Variants in PLD5 observed in about 807,000 individuals in gnomAD.
PLD5 encodes phospholipase D family member 5.
PLD5 carries 36 observed loss-of-function variants against 61.1 expected under a neutral mutation model. The ratio of observed to expected loss-of-function variants is 0.59; its 90% confidence interval spans 0.45 to 0.78. The LOEUF (loss-of-function observed/expected upper bound fraction) is 0.78. PLD5 is among the 30% of genes least tolerant of loss of function. PLD5 has a pLI of 0.00. For synonymous variants in PLD5, 243 were observed against 242.8 expected, an observed-to-expected ratio of 1.00 and a Z score of -0.01; for missense variants, 515 against 644.4, an observed-to-expected ratio of 0.80 and a Z score of 2.17.
chr1:242,482,457 A>G (rs574379820), intron 1 of PLD5, among the ~76,000 whole-genome samples: 5 of 152,238 alleles, frequency 3.3e-5, no homozygotes, highest in Admixed American at 6.5e-5. Context: ...AAAGGGTATC[A>G]GTGATGGAAG....
At chr1:242,118,307 G>A (rs1326412418) in intron 6 of PLD5, among the ~76,000 whole-genome samples, 1 of 152,182 alleles carries the variant, frequency 6.6e-6, no homozygotes, top group Admixed American at 6.5e-5. Context: ...CCTGTTTGCT[G>A]GCTGGGTTCC....
At chr1:242,107,456 T>A (rs7412254) in intron 8 of PLD5, among the ~76,000 whole-genome samples, 1 of 152,166 alleles carries the variant, frequency 6.6e-6, no homozygotes, top group East Asian at 1.9e-4. Flanking sequence ...CAACAGAAAG[T>A]GAGAAGAGGG....
At chr1:242,136,805 G>A (rs1663765425) in intron 5 of PLD5, among the ~76,000 whole-genome samples, 1 of 152,206 alleles carries the variant, frequency 6.6e-6, no homozygotes, top group African/African-American at 2.4e-5. Context: ...AGGGATCAAT[G>A]TACTTGCAAA....
At chr1:242,313,420 A>G (rs1676821386) in intron 2 of PLD5, among the ~76,000 whole-genome samples, 1 of 152,150 alleles carries the variant, frequency 6.6e-6, no homozygotes, top group Non-Finnish European at 1.5e-5. Flanking sequence ...GCTTGTTCAC[A>G]ACTTTTAAGA....
At chr1:242,115,906 T>TA (rs1288251355) in intron 6 of PLD5, among the ~76,000 whole-genome samples, 1 of 152,166 alleles carries the variant, frequency 6.6e-6, no homozygotes, top group African/African-American at 2.4e-5. Flanking sequence ...TTTCATCTTA[T>TA]AAAAATATGG....
intron 1 of PLD5, among the ~76,000 whole-genome samples, chr1:242,514,311 C>T (rs577977483): frequency 6.6e-6 from 1 of 152,298 alleles, no homozygotes; most frequent in South Asian, 2.1e-4. Flanking sequence ...CAGACCAGTC[C>T]TACAACTGGC....
rs1558518140 is a variant in PLD5 at position 242,387,648 on chromosome 1, CTATTTTATATAAAATTTTATCTAT to C, written c.190-39430_190-39407del. ...TTATCTATTTTATATAAAATTTTAT[CTATTTTATATAAAATTTTATCTAT>C]TTTATATAAAATTTTATCTATTTTA... On this transcript the variant is annotated intron_variant, in intron 1 of 9. Transcript: ENST00000536534. Among the ~76,000 whole-genome samples the C allele has an allele frequency of 4.1e-3, 600 of 145,146 alleles. 3 individuals carry two copies. The highest frequency in any genetic ancestry group is 0.011 in the East Asian group (57 of 5,058).
chr1:242,228,096 T>C (rs1671069066), intron 4 of PLD5, among the ~76,000 whole-genome samples: 1 of 152,214 alleles, frequency 6.6e-6, no homozygotes, highest in Non-Finnish European at 1.5e-5. Flanking sequence ...AACAATGGCG[T>C]GTTCACATTT....
intron 1 of PLD5, among the ~76,000 whole-genome samples, chr1:242,419,458 C>T (rs1172339789): frequency 4.2e-5 from 6 of 144,252 alleles, no homozygotes; most frequent in African/African-American, 1.3e-4. Flanking sequence ...TGCAATGGTG[C>T]GATCTCAGCT....
At chr1:242,152,957 ATTTACACTCCC>A (rs2148821553) in intron 5 of PLD5, among the ~76,000 whole-genome samples, 3 of 88,404 alleles carry the variant, frequency 3.4e-5, no homozygotes, top group Admixed American at 2.9e-4. Context: ...GGTTGAACTA[ATTTACACTCCC>A]ACCAACAGTG....
intron 2 of PLD5, among the ~76,000 whole-genome samples, chr1:242,325,836 C>G (rs933463998): frequency 6.6e-6 from 1 of 152,130 alleles, no homozygotes; most frequent in South Asian, 2.1e-4. Context: ...ACTTCAAAAG[C>G]CAGTTATAAG....
At chr1:242,430,698 C>T (rs1665669533) in intron 1 of PLD5, among the ~76,000 whole-genome samples, 1 of 152,172 alleles carries the variant, frequency 6.6e-6, no homozygotes, top group Admixed American at 6.5e-5. Flanking sequence ...GCCCTCCCTT[C>T]TACCTGCTGG....
In PLD5 at chr1:242,138,722, C is replaced by G. The variant is rs145233732; in HGVS notation, c.736-14057G>C. Among the ~76,000 whole-genome samples, 802 of 152,342 alleles carry G rather than the reference C, an allele frequency of 5.3e-3. 3 individuals are homozygous for G. Among genetic ancestry groups the G allele is most frequent in the Non-Finnish European group, 8.8e-3 (601 of 68,022 alleles). On this transcript the variant is annotated intron_variant, in intron 5 of 9. Transcript: ENST00000536534. ...CCAATCTGCTCACGTGGGGCTACAT[C>G]CCATATCCTCCAACAATTACTCCAT...
intron 4 of PLD5, among the ~76,000 whole-genome samples, chr1:242,220,533 G>A (rs918832329): frequency 6.6e-6 from 1 of 151,972 alleles, no homozygotes; most frequent in Non-Finnish European, 1.5e-5. Flanking sequence ...ATAAGGGTCA[G>A]TCTTGTTCAG....
chr1:242,394,780 G>A (rs565308379), intron 1 of PLD5, among the ~76,000 whole-genome samples: 1 of 68,398 alleles, frequency 1.5e-5, no homozygotes, highest in African/African-American at 6.0e-5. Context: ...ATATATATGT[G>A]TATATATGTG....
At chr1:242,167,450 G>A (rs905405333) in intron 5 of PLD5, among the ~76,000 whole-genome samples, 7 of 152,230 alleles carry the variant, frequency 4.6e-5, no homozygotes, top group Admixed American at 4.6e-4. Context: ...ATTATCATGA[G>A]AACAGCATGG....
chr1:242,411,411 A>G (rs1664550092), intron 1 of PLD5, among the ~76,000 whole-genome samples: 1 of 151,968 alleles, frequency 6.6e-6, no homozygotes, highest in African/African-American at 2.4e-5. Flanking sequence ...AATTTTTTGT[A>G]TTTTTAGTAG....
Position 242,087,476 on chromosome 1 carries a change from CA to C in PLD5, c.*2377del, listed in dbSNP as rs1042746811. On this transcript the variant is annotated 3_prime_UTR_variant, in exon 10 of 10. Coordinates refer to ENST00000536534, the MANE Select transcript of PLD5 (RefSeq NM_001372062.1). ...CTTCAGGGGACAACTTGAGAACTAA[CA>C]AATTTTAGTTTATTTGGTTTTTTTT... The C allele has an allele frequency of 1.1e-4, 17 of 152,244 alleles. 1 individual carries two copies. The highest frequency in any genetic ancestry group is 4.1e-4 in the African/African-American group (17 of 41,552). 9.4% of individuals were successfully genotyped at this position (152,244 alleles called of 1,614,324 possible).
chr1:242,171,023 T>G (rs1666711691), intron 5 of PLD5, among the ~76,000 whole-genome samples: 1 of 151,934 alleles, frequency 6.6e-6, no homozygotes, highest in Admixed American at 6.6e-5. Flanking sequence ...CATTCAAATT[T>G]AGGAAATACA....
Sources: gnomAD v4.1 joint callset for allele counts (sites outside exome capture counted in the v4.1 genomes callset) on GRCh38, gnomAD v4.1.1 for gene constraint, MANE v1.5 for transcripts, NCBI Gene and HGNC (gene_info 2026-07-23, HGNC 2026-07-21) for gene names.